The following NFIB variants were observed in gnomAD, a reference collection of about 807,000 sequenced individuals.
NFIB encodes the protein nuclear factor 1 B-type.
NFIB carries 11 observed loss-of-function variants against 61.5 expected under a neutral mutation model. That is an observed-to-expected ratio of 0.18 (90% CI 0.11 to 0.30). The LOEUF is 0.30. Among genes scored for constraint, NFIB ranks in the 10% least tolerant of loss-of-function variants. NFIB has a pLI of 1.00. For missense variants in NFIB, 471 were observed against 608.9 expected (o/e 0.77, Z 2.38); for synonymous variants, 260 against 216.5 (o/e 1.20, Z -1.76).
At chr9:14,119,573 G>A (rs540266484) in intron 8 of NFIB, among the ~76,000 whole-genome samples, 13 of 152,168 alleles carry the variant, frequency 8.5e-5, no homozygotes, top group South Asian at 6.2e-4. Context: ...ATGTTCCACC[G>A]TAGTAATGAC....
chr9:14,400,678 C>G (rs1402307187), upstream of NFIB, among the ~76,000 whole-genome samples: 1 of 152,176 alleles, frequency 6.6e-6, no homozygotes, highest in Non-Finnish European at 1.5e-5. Context: ...CAGGAGGCCT[C>G]CATCTCAGGA....
intron 2 of NFIB, among the ~76,000 whole-genome samples, chr9:14,249,660 G>A (rs904200107): frequency 5.9e-5 from 9 of 151,702 alleles, no homozygotes; most frequent in Non-Finnish European, 8.8e-5. Flanking sequence ...TAAAAAAATA[G>A]AAAGGAAGGA....
chr9:14,421,895 T>C, the NFIB span, among the ~76,000 whole-genome samples: 1 of 152,200 alleles, frequency 6.6e-6, no homozygotes, highest in African/African-American at 2.4e-5. Flanking sequence ...CCAAAGATAA[T>C]TCATGAGAGC....
At chr9:14,192,401 T>A (rs2048045168) in intron 2 of NFIB, among the ~76,000 whole-genome samples, 1 of 152,148 alleles carries the variant, frequency 6.6e-6, no homozygotes, top group Non-Finnish European at 1.5e-5. Flanking sequence ...TTGCTTTGAA[T>A]CTTACCTAAA....
chr9:14,344,997 G>A (rs2061001996), intron 1 of NFIB, among the ~76,000 whole-genome samples: 1 of 152,000 alleles, frequency 6.6e-6, no homozygotes, highest in Non-Finnish European at 1.5e-5. Flanking sequence ...TTCCACCTTC[G>A]GCCCTTCCCA....
intron 6 of NFIB, among the ~76,000 whole-genome samples, chr9:14,127,962 T>G (rs2039893847): frequency 6.7e-6 from 1 of 150,046 alleles, no homozygotes; most frequent in Non-Finnish European, 1.5e-5. Flanking sequence ...AGAAATAAAT[T>G]GTTCATAAAA....
chr9:14,464,918 G>A, the NFIB span, among the ~76,000 whole-genome samples: 5 of 152,118 alleles, frequency 3.3e-5, no homozygotes, highest in African/African-American at 9.7e-5. Context: ...TAATGAATGT[G>A]ACACAGTACC....
rs898151523 is a variant in NFIB, at chr9:14,121,367, T to C, written c.1061-743A>G. ...GTCCAGAGCAAGTCACAGCATTAAGTAGAGGGCAAAAGAGCCAAAAATTTT... is the reference window on the plus strand; with the variant it reads ...GTCCAGAGCAAGTCACAGCATTAAGCAGAGGGCAAAAGAGCCAAAAATTTT... On this transcript the variant is annotated intron_variant, in intron 7 of 10. Transcript: ENST00000380953. Among the ~76,000 whole-genome samples, 4 of 152,240 alleles carry C rather than the reference T, an allele frequency of 2.6e-5. No homozygotes were observed. In the East Asian group the frequency reaches 7.7e-4, roughly 29 times the overall value.
chr9:14,198,004 T>A (rs149922991), intron 2 of NFIB, among the ~76,000 whole-genome samples: 3 of 152,158 alleles, frequency 2.0e-5, no homozygotes, highest in African/African-American at 7.2e-5. Flanking sequence ...TGGGGCTACG[T>A]TGAACTTTCC....
In NFIB at chr9:14,307,576, G is replaced by T; in HGVS notation, c.31-56C>A. ...GTGCATAGTCAGTTTAATTTTAAAA[G>T]CTCAAAAAATAAGAAAAGAAGACCA... On this transcript the variant is annotated intron_variant, in intron 1 of 10. Transcript: ENST00000380953. The surrounding 1 kb of genome is among the most constrained non-coding windows in gnomAD (Gnocchi z 5.3). The T allele has an allele frequency of 1.4e-6, 2 of 1,467,550 alleles. No homozygotes were observed. The highest frequency in any genetic ancestry group is 1.5e-5 in the South Asian group (1 of 64,886). The allele number at this position is 1,467,550 out of a possible 1,614,324, so 90.9% of individuals were successfully genotyped here. A position where few individuals can be genotyped will look rare whatever the true frequency, so the allele number is the denominator to read the frequency against.
Position 14,120,627 on chromosome 9 carries a change from GCAGAAGA to G in NFIB, c.1061-10_1061-4del, listed in dbSNP as rs1563804726. 1.3e-6 allele frequency: 2 copies of G among 1,593,340 alleles called. No homozygotes were observed. The highest frequency in any genetic ancestry group is 2.3e-5 in the South Asian group (2 of 87,342). ...AGGTGGAGTTCGAGTTGAGATGACT[GCAGAAGA>G]CAGAAAAGGAAAGATTGACTCATCA... On this transcript the variant is annotated splice_polypyrimidine_tract_variant and splice_region_variant and intron_variant, in intron 7 of 10. Coordinates refer to ENST00000380953, the MANE Select transcript of NFIB (RefSeq NM_001190737.2). This position sits in a 1 kb window ranked among gnomAD's most constrained non-coding sequence, Gnocchi z 4.4.
the NFIB span, among the ~76,000 whole-genome samples, chr9:14,449,445 A>C: frequency 1.4e-4 from 21 of 152,352 alleles, no homozygotes; most frequent in South Asian, 6.2e-4. Context: ...AAAGTTGAGG[A>C]TCACTGGCAT....
the NFIB span, among the ~76,000 whole-genome samples, chr9:14,485,646 A>G: frequency 4.6e-5 from 7 of 152,304 alleles, no homozygotes; most frequent in African/African-American, 1.7e-4. Flanking sequence ...AGGCCAATGT[A>G]GGTCGATCAT....
intron 2 of NFIB, among the ~76,000 whole-genome samples, chr9:14,199,170 T>C (rs909862430): frequency 1.3e-4 from 20 of 152,182 alleles, no homozygotes; most frequent in Non-Finnish European, 2.2e-4. Flanking sequence ...AAAACACAAA[T>C]ATTGGCATAG....
At chr9:14,458,677 T>C in the NFIB span, among the ~76,000 whole-genome samples, 7 of 152,196 alleles carry the variant, frequency 4.6e-5, no homozygotes, top group South Asian at 1.0e-3. Flanking sequence ...AGTCTCAGCA[T>C]ACAAAATCAA....
chr9:14,266,219 C>A (rs2132281380), intron 2 of NFIB, among the ~76,000 whole-genome samples: 1 of 152,252 alleles, frequency 6.6e-6, no homozygotes, highest in African/African-American at 2.4e-5. Flanking sequence ...TAATTATAAC[C>A]ATTCCCTTAT....
rs1587325417 is a variant in NFIB, at chr9:14,116,229, G to C, written c.1363C>G (p.Pro455Ala). The change falls in exon 9 of 11, where the codon CCC becomes GCC. Residue 455 changes from proline to alanine, a missense_variant. Transcript: ENST00000380953. Reference sequence around the variant, plus strand: ...TCACCTTCAGTGGATGTAGTGATGGGTTTAGTATCTGTCATGCTCAGGGTC... The same window carrying C: ...TCACCTTCAGTGGATGTAGTGATGGCTTTAGTATCTGTCATGCTCAGGGTC... ...PVTLSMTDTK[P>A]ITTSTEAYTA... is the part of the protein sequence containing the mutation. 11 of 1,532,304 alleles carry C rather than the reference G, an allele frequency of 7.2e-6. No individual in the cohort carries two copies. Among genetic ancestry groups the C allele is most frequent in the African/African-American group, 1.4e-5 (1 of 72,682 alleles). The allele number at this position is 1,532,304 out of a possible 1,614,324, so 94.9% of individuals were successfully genotyped here.
chr9:14,176,802 G>T (rs1008208817), intron 3 of NFIB, among the ~76,000 whole-genome samples: 6 of 152,162 alleles, frequency 3.9e-5, no homozygotes, highest in Admixed American at 1.3e-4. Flanking sequence ...AGCCAAGCCA[G>T]AGGAGGTGTT....
intron 1 of NFIB, among the ~76,000 whole-genome samples, chr9:14,368,913 T>C (rs929656842): frequency 6.6e-6 from 1 of 152,154 alleles, no homozygotes; most frequent in Non-Finnish European, 1.5e-5. Context: ...ATAGGGACAA[T>C]ATCAATGCCT....
Sources: gnomAD v4.1 joint callset for allele counts (sites outside exome capture counted in the v4.1 genomes callset) on GRCh38, gnomAD v4.1.1 for gene constraint, Gnocchi (gnomAD v3.1) non-coding constraint, MANE v1.5 for transcripts, NCBI Gene and HGNC (gene_info 2026-07-23, HGNC 2026-07-21) for gene names.